Variants in PLEKHH2 observed in about 807,000 individuals in gnomAD.
The protein encoded by PLEKHH2 is pleckstrin homology, MyTH4 and FERM domain containing H2, also known as pleckstrin homology domain-containing family H member 2.
A neutral mutation model predicts 187.9 loss-of-function variants in PLEKHH2; 129 were observed. The ratio of observed to expected loss-of-function variants is 0.69; its 90% CI spans 0.59 to 0.79. The LOEUF is 0.79. Ranked by LOEUF, PLEKHH2 falls within the 30% of genes least tolerant of loss-of-function variation. The probability of loss-of-function intolerance (pLI) is 0.00; values close to 1 mark genes in which losing one functional copy is unlikely to be tolerated. For synonymous variants in PLEKHH2, 686 were observed against 605.6 expected, an observed-to-expected ratio of 1.13 and a Z score of -1.95; for missense variants, 2,076 against 1,751.2, an observed-to-expected ratio of 1.19 and a Z score of -3.31.
Position 43,712,230 on chromosome 2 carries a change from C to A in PLEKHH2, c.2307C>A (p.Thr769=). 1 of 1,612,106 alleles carries A rather than the reference C, an allele frequency of 6.2e-7. No homozygotes were observed. Among genetic ancestry groups the A allele is most frequent in the South Asian group, 1.1e-5 (1 of 91,004 alleles). The change falls in exon 15 of 30, where the codon ACC becomes ACA. Residue 769 remains threonine (T), a synonymous_variant. Coordinates refer to ENST00000282406, the MANE Select transcript of PLEKHH2 (RefSeq NM_172069.4). ...CCTTTCTCGTTGCATTCTAGTTGAC[C>A]ACTGAAAAACACACATACTATCTGA... ...RGDNKQTVQL[T]TEKHTYYLTA...
chr2:43,754,178 A>C (rs2104616635), intron 25 of PLEKHH2, among the ~76,000 whole-genome samples: 1 of 124,670 alleles, frequency 8.0e-6, no homozygotes, highest in African/African-American at 3.7e-5. Flanking sequence ...ACACACACAC[A>C]CACACACACA....
At chr2:43,639,931 A>G (rs1703295380) in intron 1 of PLEKHH2, among the ~76,000 whole-genome samples, 1 of 152,196 alleles carries the variant, frequency 6.6e-6, no homozygotes, top group Non-Finnish European at 1.5e-5. Context: ...TGCTGGGATT[A>G]CAGGAGTGAG....
rs527667907 is a variant in PLEKHH2, at chr2:43,678,053, G to A, written c.124-810G>A. On this transcript the variant is annotated intron_variant, in intron 2 of 29. Transcript: ENST00000282406. Reference sequence around the variant, plus strand: ...TCAGACGAGGCGGCCTGGCAGAGACGCTCCTCACCTCCCAGACGGGGTCGC... The same window carrying A: ...TCAGACGAGGCGGCCTGGCAGAGACACTCCTCACCTCCCAGACGGGGTCGC... 3.4e-3 allele frequency among the ~76,000 whole-genome samples: 515 copies of A among 149,312 alleles called. 1 individual carries two copies. The highest frequency in any genetic ancestry group is 7.6e-3 in the Middle Eastern group (2 of 264).
intron 2 of PLEKHH2, among the ~76,000 whole-genome samples, chr2:43,669,122 A>G (rs777068722): frequency 1.1e-4 from 16 of 152,212 alleles, no homozygotes; most frequent in Non-Finnish European, 1.9e-4. Context: ...GGCAAAGTTG[A>G]AGTTCATGGA....
At position 43,765,720 on chromosome 2, in the gene PLEKHH2, G is replaced by T; in HGVS notation, c.*122G>T. On this transcript the variant is annotated 3_prime_UTR_variant, in exon 30 of 30. Coordinates refer to ENST00000282406, the MANE Select transcript of PLEKHH2 (RefSeq NM_172069.4). ...CACCGGTATTCCAAACCTTAACAAT[G>T]AAGGGGGTTAGTCTCTTTTATTTGA... The T allele has an allele frequency of 1.2e-6, 1 of 847,736 alleles. No homozygotes were observed. Among genetic ancestry groups the T allele is most frequent in the Non-Finnish European group, 1.7e-6 (1 of 574,104 alleles). 52.5% of individuals were successfully genotyped at this position (847,736 alleles called of 1,614,324 possible). A position where few individuals can be genotyped will look rare whatever the true frequency, so the allele number is the denominator to read the frequency against.
intron 3 of PLEKHH2, chr2:43,681,479 TTC>T (rs1159016919): frequency 1.9e-6 from 3 of 1,546,124 alleles, no homozygotes; most frequent in Admixed American, 3.9e-5. Context: ...TTCCATCATC[TTC>T]TCTTTCCTGG....
chr2:43,717,640 G>A (rs1234559238), intron 15 of PLEKHH2, among the ~76,000 whole-genome samples: 1 of 152,200 alleles, frequency 6.6e-6, no homozygotes, highest in African/African-American at 2.4e-5. Context: ...AGTGAAGAGA[G>A]CAAGGTTGTG....
At chr2:43,651,652 G>C (rs1281095300) in intron 2 of PLEKHH2, among the ~76,000 whole-genome samples, 1 of 151,948 alleles carries the variant, frequency 6.6e-6, no homozygotes, top group East Asian at 1.9e-4. Flanking sequence ...AAATTCTATA[G>C]CACCTGTGGT....
intron 19 of PLEKHH2, among the ~76,000 whole-genome samples, chr2:43,737,133 C>G (rs1194114654): frequency 6.6e-6 from 1 of 152,092 alleles, no homozygotes; most frequent in East Asian, 1.9e-4. Flanking sequence ...TTTGGTCCAC[C>G]CTAAGAAACT....
At chr2:43,676,914 C>G (rs1169069087) in intron 2 of PLEKHH2, among the ~76,000 whole-genome samples, 2 of 152,138 alleles carry the variant, frequency 1.3e-5, no homozygotes, top group African/African-American at 4.8e-5. Context: ...GTCATTATGA[C>G]TTTTTGATCA....
intron 24 of PLEKHH2, among the ~76,000 whole-genome samples, chr2:43,750,161 A>C (rs1169589097): frequency 6.6e-6 from 1 of 152,168 alleles, no homozygotes; most frequent in African/African-American, 2.4e-5. Context: ...CACACCAAAA[A>C]AAATTCCAGG....
chr2:43,700,318 G>A lies in PLEKHH2; in HGVS notation c.1360G>A (p.Ala454Thr), dbSNP rs1669294852. ...TGTTTTCAGTATAAGTGTAGCACTA[G>A]CCAAAAGGCACTTAAGCCAGCCACA... Reference protein sequence around the residue: ...PNVFSISVALAKRHLSQPQLS... With the variant: ...PNVFSISVALTKRHLSQPQLS... The change falls in exon 8 of 30, where the codon GCC becomes ACC. Residue 454 changes from alanine (A) to threonine (T), a missense_variant. By Grantham distance (58) the Ala-to-Thr change is moderately conservative. Transcript: ENST00000282406. 6.2e-7 allele frequency: 1 copy of A among 1,613,968 alleles called. No individual in the cohort carries two copies. Among genetic ancestry groups the A allele is most frequent in the Admixed American group, 1.7e-5 (1 of 60,000 alleles).
At chr2:43,704,618 G>T (rs894734006) in intron 9 of PLEKHH2, among the ~76,000 whole-genome samples, 1 of 131,912 alleles carries the variant, frequency 7.6e-6, no homozygotes, top group East Asian at 2.2e-4. Context: ...AGCTGAGATT[G>T]TGCCACTGCA....
intron 14 of PLEKHH2, 197 bp downstream of exon 14, chr2:43,710,772 A>C: frequency 7.4e-7 from 1 of 1,343,340 alleles, no homozygotes; most frequent in Non-Finnish European, 9.6e-7. Context: ...GTGTGTGTTG[A>C]GTAACTCCCA....
rs1672675616 is a variant in PLEKHH2 at position 43,767,865 on chromosome 2, T to A, written c.*2267T>A. On this transcript the variant is annotated 3_prime_UTR_variant, in exon 30 of 30. Coordinates refer to ENST00000282406, the MANE Select transcript of PLEKHH2 (RefSeq NM_172069.4). ...ATTTTCTGGGAAATTATATAGCCAT[T>A]CAAAAATTCAAAGTATGTTATTATG... is the stretch of plus-strand genomic sequence containing the variant. The A allele has an allele frequency of 6.5e-6, 1 of 152,774 alleles. No homozygotes were observed. Among genetic ancestry groups the A allele is most frequent in the South Asian group, 2.1e-4 (1 of 4,830 alleles). The allele number at this position is 152,774 out of a possible 1,614,324, so 9.5% of individuals were successfully genotyped here. A position where few individuals can be genotyped will look rare whatever the true frequency, so the allele number is the denominator to read the frequency against.
At chr2:43,720,871 G>C in intron 16 of PLEKHH2, 122 bp downstream of exon 16, 2 of 1,400,796 alleles carry the variant, frequency 1.4e-6, no homozygotes, top group Admixed American at 5.6e-5. Context: ...TTGAAATTTG[G>C]TATAATTTGG....
intron 19 of PLEKHH2, among the ~76,000 whole-genome samples, chr2:43,736,465 C>G (rs1271130009): frequency 6.6e-6 from 1 of 152,144 alleles, no homozygotes; most frequent in African/African-American, 2.4e-5. Context: ...AGAGAGGGAG[C>G]ACCCAAATAG....
intron 9 of PLEKHH2, among the ~76,000 whole-genome samples, chr2:43,704,475 C>G (rs1669548060): frequency 6.6e-6 from 1 of 151,864 alleles, no homozygotes; most frequent in African/African-American, 2.4e-5. Context: ...TCCTGGCTAA[C>G]ACGTTGAAAC....
In PLEKHH2 at chr2:43,753,707, C is replaced by G. The variant is rs199508728; in HGVS notation, c.3742C>G (p.Leu1248Val). The G allele has an allele frequency of 1.0e-5, 16 of 1,583,884 alleles. No homozygotes were observed. Among genetic ancestry groups the G allele is most frequent in the Non-Finnish European group, 1.4e-5 (16 of 1,169,350 alleles). ...YQTNDQIING[L>V]FPLNKDLALE... is the part of the protein sequence containing the mutation. ...GACAAATGATCAAATCATAAATGGA[C>G]TTTTTCCTCTGAACAAAGATCTGGC... The change falls in exon 25 of 30, where the codon CTT becomes GTT. Residue 1248 changes from leucine (L) to valine (V), a missense_variant. Coordinates refer to ENST00000282406, the MANE Select transcript of PLEKHH2 (RefSeq NM_172069.4).
Sources: gnomAD v4.1 joint callset for allele counts (sites outside exome capture counted in the v4.1 genomes callset) on GRCh38, gnomAD v4.1.1 for gene constraint, MANE v1.5 for transcripts, NCBI Gene and HGNC (gene_info 2026-07-23, HGNC 2026-07-21) for gene names.